The following EPB41L5 variants were observed in gnomAD, a reference collection of about 807,000 sequenced individuals.
The protein encoded by EPB41L5 is band 4.1-like protein 5.
In EPB41L5, 55 loss-of-function variants were observed where a neutral mutation model predicts 106.6. The ratio of observed to expected loss-of-function variants is 0.52; its 90% confidence interval spans 0.42 to 0.65. EPB41L5 has a LOEUF of 0.65. Among genes scored for constraint, EPB41L5 ranks in the 30% least tolerant of loss-of-function variants. EPB41L5 has a pLI of 0.00. For missense variants in EPB41L5, 871 were observed against 882.1 expected (o/e 0.99, Z 0.16); for synonymous variants, 297 against 306.7 (o/e 0.97, Z 0.33).
intron 10 of EPB41L5, among the ~76,000 whole-genome samples, chr2:120,080,903 T>C (rs1296364527): frequency 6.6e-6 from 1 of 152,244 alleles, no homozygotes; most frequent in Non-Finnish European, 1.5e-5. Context: ...CATAAATGTC[T>C]TCTTTTGCGA....
chr2:120,121,031 C>T (rs1043703359), intron 16 of EPB41L5, among the ~76,000 whole-genome samples: 3 of 152,214 alleles, frequency 2.0e-5, no homozygotes, highest in South Asian at 2.1e-4. Flanking sequence ...GCAGGAGAAT[C>T]GCCCAAACCC....
chr2:120,029,594 T>G (rs1678569519), intron 2 of EPB41L5, among the ~76,000 whole-genome samples: 1 of 152,160 alleles, frequency 6.6e-6, no homozygotes, highest in Admixed American at 6.5e-5. Context: ...ATAATACACC[T>G]GTTGTTGTTT....
intron 21 of EPB41L5, among the ~76,000 whole-genome samples, chr2:120,162,396 A>C (rs545009477): frequency 6.6e-6 from 1 of 152,238 alleles, no homozygotes; most frequent in Non-Finnish European, 1.5e-5. Flanking sequence ...CATAATGTAC[A>C]TCTGTTGTAA....
chr2:120,055,260 T>C (rs1680569120), intron 3 of EPB41L5, among the ~76,000 whole-genome samples: 1 of 152,192 alleles, frequency 6.6e-6, no homozygotes, highest in Non-Finnish European at 1.5e-5. Flanking sequence ...GTGTGAGTTC[T>C]CCAGCTGTCT....
intron 16 of EPB41L5, chr2:120,104,125 C>G (rs750766524): frequency 1.9e-5 from 29 of 1,535,898 alleles, no homozygotes; most frequent in Non-Finnish European, 2.5e-5. Context: ...GCCTTGCCCC[C>G]ACCCCAGACC....
intron 17 of EPB41L5, among the ~76,000 whole-genome samples, chr2:120,128,671 A>G (rs1685562287): frequency 6.6e-6 from 1 of 152,112 alleles, no homozygotes. Context: ...TGTATTTCCT[A>G]AGAAATAACT....
In EPB41L5 at chr2:120,127,841, TG is replaced by T; in HGVS notation, c.1492del (p.Glu498AsnfsTer5). ...RLPGLGEPEV[E>X]YETLKDTSEK... ...TTCCGGGATTAGGGGAACCTGAAGT[TG>T]AATATGAGAGTAAGTAAATGTTCCA... On this transcript the variant is annotated frameshift_variant, in exon 17 of 25. Coordinates refer to ENST00000263713, the MANE Select transcript of EPB41L5 (RefSeq NM_020909.4). LOFTEE classifies it high-confidence loss of function. The T allele has an allele frequency of 6.2e-7, 1 of 1,609,502 alleles. No individual in the cohort carries two copies. Among genetic ancestry groups the T allele is most frequent in the Non-Finnish European group, 8.5e-7 (1 of 1,176,712 alleles).
intron 18 of EPB41L5, 56 bp downstream of exon 18, chr2:120,131,771 AT>A: frequency 1.5e-6 from 2 of 1,299,410 alleles, no homozygotes; most frequent in South Asian, 2.4e-5. Flanking sequence ...TCCCAGAAAT[AT>A]TTTCTTTCCA....
intron 10 of EPB41L5, among the ~76,000 whole-genome samples, chr2:120,079,364 A>G (rs1682478655): frequency 6.6e-6 from 1 of 152,150 alleles, no homozygotes; most frequent in Admixed American, 6.6e-5. Flanking sequence ...CTGTAGATTA[A>G]AGGACCCCAA....
At chr2:120,067,653 CTTTA>C (rs1157297929) in intron 3 of EPB41L5, among the ~76,000 whole-genome samples, 9 of 152,250 alleles carry the variant, frequency 5.9e-5, no homozygotes, top group South Asian at 4.1e-4. Context: ...ACAAAGACTT[CTTTA>C]TTTAATAGAT....
At chr2:120,131,552 C>T (rs957613262) in intron 17 of EPB41L5, 66 bp from the exon 18 acceptor site, 16 of 1,076,406 alleles carry the variant, frequency 1.5e-5, no homozygotes, top group Admixed American at 1.9e-5. Context: ...AAAACCATAC[C>T]CTCACACAGC....
chr2:120,090,548 C>A, intron 12 of EPB41L5, 32 bp downstream of exon 12: 1 of 1,587,190 alleles, frequency 6.3e-7, no homozygotes, highest in Non-Finnish European at 8.6e-7. Flanking sequence ...ATCTGTCTTT[C>A]ATTGCATACA....
At chr2:120,158,554 A>G (rs1430859449) in intron 20 of EPB41L5, among the ~76,000 whole-genome samples, 1 of 152,130 alleles carries the variant, frequency 6.6e-6, no homozygotes, top group African/African-American at 2.4e-5. Context: ...CGGGTTAAAA[A>G]CTCTCAATAA....
At chr2:120,106,100 T>A in intron 16 of EPB41L5, 6 of 985,180 alleles carry the variant, frequency 6.1e-6, no homozygotes, top group Non-Finnish European at 7.2e-6. Flanking sequence ...CATTTCTGTA[T>A]TTATAATTTG....
At chr2:120,078,626 TTTAATGAGTAA>T in intron 10 of EPB41L5, 45 bp downstream of exon 10, 3 of 1,333,024 alleles carry the variant, frequency 2.3e-6, no homozygotes, top group Non-Finnish European at 3.2e-6. Context: ...TGTTTTGGTT[TTTAATGAGTAA>T]ATAAAGTTAA....
Position 120,127,935 on chromosome 2 carries a change from A to AT in EPB41L5, c.1501+90dup. 3 of 1,302,672 alleles carry AT rather than the reference A, an allele frequency of 2.3e-6. No individual in the cohort carries two copies. The South Asian group carries it at 5.4e-5, about 23-fold the overall frequency. The allele number at this position is 1,302,672 out of a possible 1,614,324, so 80.7% of individuals were successfully genotyped here. On this transcript the variant is annotated intron_variant, in intron 17 of 24. Transcript: ENST00000263713. ...TATTTAAATCAGCTTCTCCAATAAT[A>AT]TTTTTTGTACTAGTTCAACTTTTAA...
chr2:120,131,597 G>C (rs3738968), intron 17 of EPB41L5, 21 bp from the exon 18 acceptor site: 1,071,930 of 1,552,110 alleles, frequency 0.69, 370,324 homozygotes, highest in Non-Finnish European at 0.71. Context: ...GGGTTATTTT[G>C]CCTTTTTTTT....
At chr2:120,152,762 T>C (rs1436620324) in intron 20 of EPB41L5, among the ~76,000 whole-genome samples, 3 of 152,256 alleles carry the variant, frequency 2.0e-5, no homozygotes, top group African/African-American at 4.8e-5. Context: ...TTTTGATTAC[T>C]GATTCAATCT....
intron 18 of EPB41L5, among the ~76,000 whole-genome samples, chr2:120,131,996 T>G: frequency 6.6e-6 from 1 of 152,106 alleles, no homozygotes; most frequent in South Asian, 2.1e-4. Context: ...TGACCCAGTC[T>G]AGTTGGAAGA....
Sources: gnomAD v4.1 joint callset for allele counts (sites outside exome capture counted in the v4.1 genomes callset) on GRCh38, gnomAD v4.1.1 for gene constraint, MANE v1.5 for transcripts, NCBI Gene and HGNC (gene_info 2026-07-23, HGNC 2026-07-21) for gene names.